Variants in CBX5 observed in about 807,000 individuals in gnomAD.
CBX5 encodes chromobox 5, also known as chromobox protein homolog 5.
Under a neutral mutation model 20.7 loss-of-function variants are expected in CBX5, and 7 were observed. The observed-to-expected ratio is 0.34, with a 90% CI of 0.19 to 0.63. CBX5 has a LOEUF of 0.63. Among genes scored for constraint, CBX5 ranks in the 30% least tolerant of loss-of-function variants. CBX5 has a pLI of 0.75. For missense variants in CBX5, 110 were observed against 224.1 expected (o/e 0.49, Z 3.25); for synonymous variants, 78 against 77.0 (o/e 1.01, Z -0.07).
rs1943656021 is a variant in CBX5, at chr12:54,239,570, C to T, written c.*2185G>A. The T allele has an allele frequency of 6.6e-6, 1 of 152,184 alleles. No individual in the cohort carries two copies. The highest frequency in any genetic ancestry group is 1.5e-5 in the Non-Finnish European group (1 of 68,028). The allele number at this position is 152,184 out of a possible 1,614,324, so 9.4% of individuals were successfully genotyped here. A position where few individuals can be genotyped will look rare whatever the true frequency, so the allele number is the denominator to read the frequency against. On this transcript the variant is annotated 3_prime_UTR_variant, in exon 5 of 5. Transcript: ENST00000209875. ...GATAAATGTTTCCTGACCATCCTTT[C>T]CTTCTTTTAGATACCGATCAGATTA...
At chr12:54,244,685 C>T (rs887885289) in intron 4 of CBX5, among the ~76,000 whole-genome samples, 1 of 151,944 alleles carries the variant, frequency 6.6e-6, no homozygotes, top group African/African-American at 2.4e-5. Flanking sequence ...TTGCAGTGAG[C>T]CAAGATCGCG....
rs528978193 is a variant in CBX5, at chr12:54,236,829, C to A, written c.*4926G>T. 20 of 152,268 alleles carry A rather than the reference C, an allele frequency of 1.3e-4. No homozygotes were observed. The highest frequency in any genetic ancestry group is 5.2e-4 in the Admixed American group (8 of 15,294). The allele number at this position is 152,268 out of a possible 1,614,324, so 9.4% of individuals were successfully genotyped here. A position where few individuals can be genotyped will look rare whatever the true frequency, so the allele number is the denominator to read the frequency against. On this transcript the variant is annotated 3_prime_UTR_variant, in exon 5 of 5. Coordinates refer to ENST00000209875, the MANE Select transcript of CBX5 (RefSeq NM_012117.3). ...TCCCCGGGCCAAACACAGATCCCTC[C>A]AACCCCTCACTGTACCTTAGGAAAG...
chr12:54,251,911 C>T, intron 3 of CBX5, 130 bp downstream of exon 3: 1 of 757,064 alleles, frequency 1.3e-6, no homozygotes. Context: ...CCTGGAAGCT[C>T]TTTTGTTCAA....
chr12:54,261,155 C>T (rs1439098566), intron 1 of CBX5, among the ~76,000 whole-genome samples: 1 of 145,964 alleles, frequency 6.9e-6, no homozygotes, highest in East Asian at 2.1e-4. Context: ...TGCGCCACTG[C>T]ACTCCAGCCT....
At chr12:54,264,185 C>T (rs946460873) in intron 1 of CBX5, among the ~76,000 whole-genome samples, 1 of 152,180 alleles carries the variant, frequency 6.6e-6, no homozygotes. Context: ...TGAGACAGGG[C>T]CTCGTTCTGT....
chr12:54,270,305 G>T (rs1943997487), intron 1 of CBX5, among the ~76,000 whole-genome samples: 1 of 151,970 alleles, frequency 6.6e-6, no homozygotes, highest in East Asian at 1.9e-4. Context: ...TTTGAGATAG[G>T]GTCTCTGCCA....
intron 1 of CBX5, among the ~76,000 whole-genome samples, 162 bp downstream of exon 1, chr12:54,279,846 G>T (rs1034317382): frequency 2.6e-5 from 4 of 152,210 alleles, no homozygotes; most frequent in Non-Finnish European, 5.9e-5. Context: ...AACCTACGGG[G>T]ATTAAAACAT....
intron 1 of CBX5, among the ~76,000 whole-genome samples, chr12:54,276,002 A>C (rs1057258434): frequency 6.6e-6 from 1 of 152,038 alleles, no homozygotes. Flanking sequence ...AAAAAAAAAA[A>C]AAAAAAAACC....
In CBX5 at chr12:54,232,971, TG is replaced by T; in HGVS notation, c.*8783del. The T allele has an allele frequency of 6.7e-6, 1 of 149,288 alleles. No homozygotes were observed. The highest frequency in any genetic ancestry group is 1.5e-5 in the Non-Finnish European group (1 of 67,470). The allele number at this position is 149,288 out of a possible 1,614,324, so 9.2% of individuals were successfully genotyped here. On this transcript the variant is annotated 3_prime_UTR_variant, in exon 5 of 5. Coordinates refer to ENST00000209875, the MANE Select transcript of CBX5 (RefSeq NM_012117.3). ...TGAATAAGAACCTTTTCCCCAGTGG[TG>T]GTTCTTGGTAGCGCTCTTATAAAGC...
rs145303461 is a variant in CBX5 at position 54,270,140 on chromosome 12, TTAC to T, written c.-43+9865_-43+9867del. 6.8e-3 allele frequency among the ~76,000 whole-genome samples: 1,037 copies of T among 152,298 alleles called. 10 individuals carry two copies. The highest frequency in any genetic ancestry group is 0.024 in the African/African-American group (982 of 41,572). On this transcript the variant is annotated intron_variant, in intron 1 of 4. Coordinates refer to ENST00000209875, the MANE Select transcript of CBX5 (RefSeq NM_012117.3). ...ATCCCATTAATTGCTGCTTTTATCA[TTAC>T]TATTTTCTTGTTTATTTTGGATTTA...
rs774276117 is a variant in CBX5, at chr12:54,252,261, A to AG, written c.138-35dup. The stretch of plus-strand genomic sequence containing the variant: ...GAAAAATGGGAAAATTAAAAAAAAA[A>AG]GGGGGGGGTAAAGAATGAGGAAAAA... On this transcript the variant is annotated intron_variant, in intron 2 of 4. Coordinates refer to ENST00000209875, the MANE Select transcript of CBX5 (RefSeq NM_012117.3). 581 of 1,379,872 alleles carry AG rather than the reference A, an allele frequency of 4.2e-4. 1 individual carries two copies. Among genetic ancestry groups the AG allele is most frequent in the African/African-American group, 1.5e-3 (103 of 67,016 alleles). 85.5% of individuals were successfully genotyped at this position (1,379,872 alleles called of 1,614,324 possible). A position where few individuals can be genotyped will look rare whatever the true frequency, so the allele number is the denominator to read the frequency against.
At chr12:54,264,847 GAA>G (rs375937146) in intron 1 of CBX5, among the ~76,000 whole-genome samples, 2 of 138,878 alleles carry the variant, frequency 1.4e-5, no homozygotes, top group Admixed American at 7.2e-5. Context: ...CCATCTCAAA[GAA>G]AAAAAAAAAG....
intron 2 of CBX5, among the ~76,000 whole-genome samples, chr12:54,253,657 G>A (rs964782018): frequency 2.1e-5 from 3 of 145,718 alleles, no homozygotes; most frequent in African/African-American, 2.6e-5. Context: ...GAGCCCAGAA[G>A]GTTGAGGCTG....
Position 54,252,072 on chromosome 12 carries a change from G to A in CBX5, c.293C>T (p.Ala98Val). 1 of 1,607,958 alleles carries A rather than the reference G, an allele frequency of 6.2e-7. No homozygotes were observed. The highest frequency in any genetic ancestry group is 1.1e-5 in the South Asian group (1 of 89,280). ...CTTTTTTTTAGATTTGATGTCATCG[G>A]CACTGTTTGAGAAATTGGATTTCCT... ...NKRKSNFSNS[A>V]DDIKSKKKRE... The change falls in exon 3 of 5, where the codon GCC becomes GTC. Residue 98 changes from alanine (A) to valine (V), a missense_variant. Coordinates refer to ENST00000209875, the MANE Select transcript of CBX5 (RefSeq NM_012117.3).
intron 4 of CBX5, among the ~76,000 whole-genome samples, chr12:54,244,075 C>T (rs1412837720): frequency 3.3e-5 from 5 of 151,188 alleles, no homozygotes; most frequent in Non-Finnish European, 2.9e-5. Context: ...GATCTCGGCT[C>T]ACTGCAAGCT....
intron 1 of CBX5, among the ~76,000 whole-genome samples, chr12:54,277,910 A>C (rs1944086497): frequency 6.6e-6 from 1 of 152,186 alleles, no homozygotes; most frequent in African/African-American, 2.4e-5. Context: ...GCACAGGCAT[A>C]ATCATCTCAC....
At position 54,257,676 on chromosome 12, in the gene CBX5, C is replaced by G; in HGVS notation, c.-26G>C. Reference sequence around the variant, plus strand: ...GTCGCACACCGTTCCACCTGAAAGACTAAGGCCACCAGGTCCCTGCAAAGG... The same window carrying G: ...GTCGCACACCGTTCCACCTGAAAGAGTAAGGCCACCAGGTCCCTGCAAAGG... On this transcript the variant is annotated 5_prime_UTR_variant, in exon 2 of 5. Coordinates refer to ENST00000209875, the MANE Select transcript of CBX5 (RefSeq NM_012117.3). 6.2e-7 allele frequency: 1 copy of G among 1,614,024 alleles called. No individual in the cohort carries two copies. The highest frequency in any genetic ancestry group is 8.5e-7 in the Non-Finnish European group (1 of 1,179,918).
intron 1 of CBX5, among the ~76,000 whole-genome samples, chr12:54,266,420 AT>A (rs1209846430): frequency 1.2e-4 from 19 of 152,110 alleles, no homozygotes; most frequent in Non-Finnish European, 2.4e-4. Flanking sequence ...AAATAAAAAA[AT>A]AAATATAAAA....
At chr12:54,267,834 T>A (rs533316047) in intron 1 of CBX5, among the ~76,000 whole-genome samples, 1 of 152,298 alleles carries the variant, frequency 6.6e-6, no homozygotes, top group African/African-American at 2.4e-5. Flanking sequence ...ATTTATGTTT[T>A]CTTAGCATCA....
Sources: gnomAD v4.1 joint callset for allele counts (sites outside exome capture counted in the v4.1 genomes callset) on GRCh38, gnomAD v4.1.1 for gene constraint, MANE v1.5 for transcripts, NCBI Gene and HGNC (gene_info 2026-07-23, HGNC 2026-07-21) for gene names.